Variants in BRINP1 observed in about 807,000 individuals in gnomAD.
The protein encoded by BRINP1 is BMP/retinoic acid inducible neural specific 1.
A neutral mutation model predicts 72.9 loss-of-function variants in BRINP1; 17 were observed. The observed-to-expected ratio is 0.23, with a 90% CI of 0.16 to 0.35. The LOEUF is 0.35. BRINP1 is among the 10% of genes least tolerant of loss of function. BRINP1 has a pLI of 1.00. For missense variants in BRINP1, 850 were observed against 1,001.6 expected (o/e 0.85, Z 2.04); for synonymous variants, 418 against 378.5 (o/e 1.10, Z -1.21).
chr9:119,254,913 A>G (rs1178820063), intron 2 of BRINP1, among the ~76,000 whole-genome samples: 2 of 152,232 alleles, frequency 1.3e-5, no homozygotes, highest in South Asian at 2.1e-4. Context: ...CTCCATTCAT[A>G]GAAGTCATCA....
chr9:119,191,992 A>T (rs1473455848), intron 7 of BRINP1, among the ~76,000 whole-genome samples: 2 of 152,088 alleles, frequency 1.3e-5, no homozygotes, highest in South Asian at 2.1e-4. Context: ...CCAAGAGGAT[A>T]CTATGGGAAA....
chr9:119,201,281 T>C (rs1438700856), intron 7 of BRINP1, among the ~76,000 whole-genome samples: 1 of 152,202 alleles, frequency 6.6e-6, no homozygotes, highest in Non-Finnish European at 1.5e-5. Context: ...ATTAGCATCA[T>C]CTGAAAGCAA....
chr9:119,247,741 C>CACTTAAAA (rs1564227974), intron 3 of BRINP1, among the ~76,000 whole-genome samples: 3 of 150,470 alleles, frequency 2.0e-5, no homozygotes, highest in African/African-American at 7.3e-5. Flanking sequence ...GGAAAACACT[C>CACTTAAAA]ACTTAAAAAC....
At position 119,198,660 on chromosome 9, in the gene BRINP1, T is replaced by C. The variant is rs139076543; in HGVS notation, c.1145+10059A>G. Among the ~76,000 whole-genome samples, 8 of 135,696 alleles carry C rather than the reference T, an allele frequency of 5.9e-5. No individual in the cohort carries two copies. The East Asian group carries it at 1.7e-3, about 29-fold the overall frequency. 89.0% of individuals were successfully genotyped at this position (135,696 alleles called of 152,430 possible). On this transcript the variant is annotated intron_variant, in intron 7 of 7. Coordinates refer to ENST00000265922, the MANE Select transcript of BRINP1 (RefSeq NM_014618.3). ...TCTAGGGTCTACTACTGCTGTGCTC[T>C]TGAAAATATTAATTTTTTTTTTTTT...
chr9:119,216,731 C>A (rs1829981589), intron 5 of BRINP1, among the ~76,000 whole-genome samples: 1 of 152,090 alleles, frequency 6.6e-6, no homozygotes, highest in African/African-American at 2.4e-5. Context: ...TTTCTTTCTC[C>A]CTTCTGTAGG....
At chr9:119,188,338 G>C (rs1400045095) in intron 7 of BRINP1, among the ~76,000 whole-genome samples, 1 of 152,032 alleles carries the variant, frequency 6.6e-6, no homozygotes, top group Admixed American at 6.5e-5. Context: ...TACAGTTAAA[G>C]TGCTGAAAGA....
intron 5 of BRINP1, among the ~76,000 whole-genome samples, chr9:119,218,230 G>A (rs1024897833): frequency 3.5e-5 from 5 of 143,226 alleles, no homozygotes; most frequent in African/African-American, 5.3e-5. Flanking sequence ...TTTTGAGACC[G>A]AGTCTCACTC....
rs532422284 is a variant in BRINP1 at position 119,166,913 on chromosome 9, T to C, written c.*171A>G. The C allele has an allele frequency of 2.8e-6, 2 of 706,700 alleles. No homozygotes were observed. The highest frequency in any genetic ancestry group is 3.6e-5 in the African/African-American group (2 of 55,780). The allele number at this position is 706,700 out of a possible 1,614,324, so 43.8% of individuals were successfully genotyped here. A position where few individuals can be genotyped will look rare whatever the true frequency, so the allele number is the denominator to read the frequency against. On this transcript the variant is annotated 3_prime_UTR_variant, in exon 8 of 8. Coordinates refer to ENST00000265922, the MANE Select transcript of BRINP1 (RefSeq NM_014618.3). ...AAATAACAAACATGCCCAACGCTTT[T>C]ATACAGTTGCTAGAACGTTTTCATT...
At chr9:119,294,395 C>T (rs1259622395) in intron 2 of BRINP1, among the ~76,000 whole-genome samples, 7 of 152,000 alleles carry the variant, frequency 4.6e-5, no homozygotes, top group Non-Finnish European at 1.0e-4. Flanking sequence ...GGCGTGTTGG[C>T]ATATGCCTAT....
intron 7 of BRINP1, among the ~76,000 whole-genome samples, chr9:119,206,440 A>G (rs28704568): frequency 1.1e-4 from 16 of 141,340 alleles, no homozygotes; most frequent in South Asian, 4.5e-4. Flanking sequence ...AAAAAAAAAA[A>G]AGAGAGAGAG....
At chr9:119,349,735 G>C (rs1831487123) in intron 1 of BRINP1, among the ~76,000 whole-genome samples, 1 of 152,154 alleles carries the variant, frequency 6.6e-6, no homozygotes. Context: ...TGTGGGTTCG[G>C]GTTGCAGTCA....
At chr9:119,200,900 T>C (rs1829799112) in intron 7 of BRINP1, among the ~76,000 whole-genome samples, 1 of 151,890 alleles carries the variant, frequency 6.6e-6, no homozygotes, top group African/African-American at 2.4e-5. Context: ...TGTGAATCCT[T>C]TGAAATGAAG....
intron 7 of BRINP1, among the ~76,000 whole-genome samples, chr9:119,186,963 A>C (rs1401738155): frequency 1.3e-5 from 2 of 151,882 alleles, no homozygotes; most frequent in Non-Finnish European, 1.5e-5. Flanking sequence ...TCTCCAACCC[A>C]AACTGCAATT....
At position 119,166,997 on chromosome 9, in the gene BRINP1, T is replaced by C. The variant is rs1367928818; in HGVS notation, c.*87A>G. The C allele has an allele frequency of 2.3e-5, 31 of 1,374,144 alleles. No individual in the cohort carries two copies. Among genetic ancestry groups the C allele is most frequent in the Non-Finnish European group, 2.9e-5 (29 of 1,011,196 alleles). 85.1% of individuals were successfully genotyped at this position (1,374,144 alleles called of 1,614,324 possible). On this transcript the variant is annotated 3_prime_UTR_variant, in exon 8 of 8. Coordinates refer to ENST00000265922, the MANE Select transcript of BRINP1 (RefSeq NM_014618.3). Reference sequence around the variant, plus strand: ...AATATTAATTACATTTTACAAATTTTTGTGGGTTTTTTTGTTTTGTTTTGC... The same window carrying C: ...AATATTAATTACATTTTACAAATTTCTGTGGGTTTTTTTGTTTTGTTTTGC...
intron 1 of BRINP1, among the ~76,000 whole-genome samples, chr9:119,351,405 AG>A (rs2119032994): frequency 1.3e-5 from 2 of 152,304 alleles, no homozygotes; most frequent in South Asian, 4.1e-4. Context: ...AGAACGTGGA[AG>A]GCGAAGCAAA....
At chr9:119,240,974 A>G (rs1830242222) in intron 4 of BRINP1, among the ~76,000 whole-genome samples, 1 of 152,236 alleles carries the variant, frequency 6.6e-6, no homozygotes, top group Non-Finnish European at 1.5e-5. Context: ...CATCTGCACT[A>G]AAACCCTCAG....
chr9:119,314,150 A>G (rs528740490), intron 1 of BRINP1, among the ~76,000 whole-genome samples: 1 of 152,282 alleles, frequency 6.6e-6, no homozygotes, highest in South Asian at 2.1e-4. Flanking sequence ...CTCAGCCTCA[A>G]AGGTTGCCCA....
chr9:119,306,512 A>G (rs1168783676), intron 2 of BRINP1, among the ~76,000 whole-genome samples: 1 of 152,178 alleles, frequency 6.6e-6, no homozygotes, highest in African/African-American at 2.4e-5. Context: ...ACAAACATGA[A>G]TATGGGCCAT....
chr9:119,255,640 G>A (rs1023627353), intron 2 of BRINP1, among the ~76,000 whole-genome samples: 9 of 152,130 alleles, frequency 5.9e-5, no homozygotes, highest in African/African-American at 1.7e-4. Context: ...ACAGTGCACA[G>A]AAGGAGACAT....
Sources: allele counts gnomAD v4.1 joint callset (sites outside exome capture counted in the v4.1 genomes callset), GRCh38; gene constraint gnomAD v4.1.1; transcripts MANE v1.5; gene names NCBI Gene and HGNC (gene_info 2026-07-23, HGNC 2026-07-21).